The following BACE2 variants were observed in gnomAD, a reference collection of about 807,000 sequenced individuals.
BACE2 encodes the protein 56 kDa aspartic-like protease.
Under a neutral mutation model 46.2 loss-of-function variants are expected in BACE2, and 17 were observed. The observed-to-expected ratio is 0.37, with a 90% CI of 0.25 to 0.55. BACE2 has a LOEUF of 0.55. Among genes scored for constraint, BACE2 ranks in the 20% least tolerant of loss-of-function variants. BACE2 has a pLI of 0.82. For missense variants in BACE2, 595 were observed against 698.1 expected (o/e 0.85, Z 1.66); for synonymous variants, 277 against 295.9 (o/e 0.94, Z 0.66).
chr21:41,169,425 A>G (rs1269116387), intron 1 of BACE2, among the ~76,000 whole-genome samples: 1 of 151,344 alleles, frequency 6.6e-6, no homozygotes, highest in East Asian at 2.0e-4. Context: ...AGCAAGAAAC[A>G]AATGTTCCCA....
intron 1 of BACE2, among the ~76,000 whole-genome samples, chr21:41,224,814 C>T (rs183312852): frequency 2.6e-5 from 4 of 152,338 alleles, no homozygotes; most frequent in Non-Finnish European, 5.9e-5. Flanking sequence ...AAGACCAACA[C>T]CACCAAATTT....
intron 5 of BACE2, among the ~76,000 whole-genome samples, chr21:41,243,973 A>C (rs564569981): frequency 1.6e-4 from 24 of 152,296 alleles, no homozygotes; most frequent in Middle Eastern, 3.4e-3. Flanking sequence ...TCCCTAAAAA[A>C]CGGTCATGCT....
rs772624625 is a variant in BACE2, at chr21:41,246,039, G to A, written c.960G>A (p.Val320=). 2.5e-5 allele frequency: 40 copies of A among 1,607,768 alleles called. No homozygotes were observed. Among genetic ancestry groups the A allele is most frequent in the Middle Eastern group, 1.6e-4 (1 of 6,066 alleles). ...RLPQKVFDAV[V]EAVARASLIP... ...CCCAGAAGGTGTTTGATGCGGTGGT[G>A]GAAGCTGTGGCCCGCGCATCTCTGG... is the stretch of plus-strand genomic sequence containing the variant. Residue 320 remains valine (V), a synonymous_variant, in exon 6 of 9, where the codon GTG becomes GTA. Transcript: ENST00000330333.
At chr21:41,172,099 C>T (rs1984628212) in intron 1 of BACE2, among the ~76,000 whole-genome samples, 1 of 152,188 alleles carries the variant, frequency 6.6e-6, no homozygotes, top group Non-Finnish European at 1.5e-5. Context: ...CTGATGGAGC[C>T]ACTTGAAATG....
At position 41,252,006 on chromosome 21, in the gene BACE2, C is replaced by T. The variant is rs113150495; in HGVS notation, c.1134+1105C>T. ...CCTCCCCTCCGTTACTGAGCCCTTG[C>T]GCGTGTGGCTCTCACCAGCACTTCT... On this transcript the variant is annotated intron_variant, in intron 7 of 8. Transcript: ENST00000330333. Among the ~76,000 whole-genome samples the T allele has an allele frequency of 1.8e-4, 28 of 152,204 alleles. No homozygotes were observed. In the East Asian group the frequency reaches 2.1e-3, roughly 12 times the overall value.
At chr21:41,235,199 G>A (rs920748630) in intron 2 of BACE2, among the ~76,000 whole-genome samples, 2 of 152,210 alleles carry the variant, frequency 1.3e-5, no homozygotes, top group Non-Finnish European at 2.9e-5. Flanking sequence ...TAATATTTGA[G>A]TGTAATAAAT....
At chr21:41,200,973 A>G (rs1443767676) in intron 1 of BACE2, among the ~76,000 whole-genome samples, 1 of 152,222 alleles carries the variant, frequency 6.6e-6, no homozygotes, top group East Asian at 1.9e-4. Context: ...GGGTTCAAGC[A>G]TACACAGCCT....
At chr21:41,238,566 A>G (rs1465148624) in intron 3 of BACE2, among the ~76,000 whole-genome samples, 1 of 152,048 alleles carries the variant, frequency 6.6e-6, no homozygotes, top group African/African-American at 2.4e-5. Context: ...ATGTCCAACA[A>G]TGATAGACTG....
chr21:41,209,865 C>G (rs1018509901), intron 1 of BACE2, among the ~76,000 whole-genome samples: 2 of 152,256 alleles, frequency 1.3e-5, no homozygotes, highest in East Asian at 3.9e-4. Flanking sequence ...GGACATAGTT[C>G]CCAATATGTT....
intron 1 of BACE2, among the ~76,000 whole-genome samples, chr21:41,213,092 G>A (rs933289597): frequency 1.3e-5 from 2 of 152,216 alleles, no homozygotes; most frequent in Non-Finnish European, 2.9e-5. Flanking sequence ...CCCATCTGAA[G>A]GAACAAGTGA....
intron 3 of BACE2, among the ~76,000 whole-genome samples, chr21:41,238,198 A>T (rs1315416571): frequency 6.6e-6 from 1 of 152,116 alleles, no homozygotes; most frequent in Non-Finnish European, 1.5e-5. Flanking sequence ...CTCCGAGGAG[A>T]CACCCAGCAT....
rs772719733 is a variant in BACE2 at position 41,257,308 on chromosome 21, G to T, written c.1285G>T (p.Ala429Ser). 4 of 1,613,854 alleles carry T rather than the reference G, an allele frequency of 2.5e-6. No individual in the cohort carries two copies. In the South Asian group the frequency reaches 3.3e-5, roughly 13 times the overall value. The change falls in exon 8 of 9, where the codon GCA (alanine) becomes TCA (serine). Residue 429 changes from alanine (A) to serine (S), a missense_variant. This residue lies in a region of BACE2 where 343 missense variants were observed against 419.4 expected (regional missense o/e 0.82). Transcript: ENST00000330333. ...CAGAGCCCAGAAGAGGGTGGGCTTCGCAGCGAGCCCCTGTGCAGGTGAGCG... is the reference window on the plus strand; with the variant it reads ...CAGAGCCCAGAAGAGGGTGGGCTTCTCAGCGAGCCCCTGTGCAGGTGAGCG... ...FDRAQKRVGF[A>S]ASPCAEIAGA...
chr21:41,259,651 C>G (rs924007123), intron 8 of BACE2, among the ~76,000 whole-genome samples: 5 of 136,250 alleles, frequency 3.7e-5, no homozygotes, highest in African/African-American at 1.3e-4. Context: ...TACTCATTAT[C>G]CTGAGATTAG....
intron 3 of BACE2, among the ~76,000 whole-genome samples, chr21:41,241,192 G>A (rs918704358): frequency 6.6e-6 from 1 of 152,188 alleles, no homozygotes; most frequent in African/African-American, 2.4e-5. Context: ...TGGATGTGAG[G>A]GAGACACAGA....
chr21:41,237,459 T>A, intron 2 of BACE2, 54 bp from the exon 3 acceptor site: 2 of 1,280,832 alleles, frequency 1.6e-6, no homozygotes, highest in Non-Finnish European at 2.1e-6. Flanking sequence ...AATAAATAAA[T>A]AAAAATAAAA....
intron 1 of BACE2, among the ~76,000 whole-genome samples, chr21:41,194,877 G>A (rs1197050007): frequency 6.6e-6 from 1 of 152,204 alleles, no homozygotes; most frequent in Non-Finnish European, 1.5e-5. Context: ...AGCATGGCAG[G>A]ACACATCTGA....
At chr21:41,221,726 G>A (rs1375725358) in intron 1 of BACE2, among the ~76,000 whole-genome samples, 1 of 151,928 alleles carries the variant, frequency 6.6e-6, no homozygotes, top group African/African-American at 2.4e-5. Flanking sequence ...TACTCGGGAG[G>A]CTGAGGCAGG....
chr21:41,212,173 C>T (rs954554199), intron 1 of BACE2, among the ~76,000 whole-genome samples: 1 of 152,192 alleles, frequency 6.6e-6, no homozygotes, highest in Non-Finnish European at 1.5e-5. Context: ...GCTGGAAGTC[C>T]AAGACCCAGG....
chr21:41,179,379 A>T, intron 1 of BACE2: 1 of 1,294,182 alleles, frequency 7.7e-7, no homozygotes, highest in Non-Finnish European at 1.0e-6. Flanking sequence ...GTGAGGAGTG[A>T]GGGTATCCAG....
Sources: allele counts gnomAD v4.1 joint callset (sites outside exome capture counted in the v4.1 genomes callset), GRCh38; gene constraint gnomAD v4.1.1; regional missense constraint gnomAD v4.1.1; transcripts MANE v1.5; gene names NCBI Gene and HGNC (gene_info 2026-07-23, HGNC 2026-07-21).